Variants in ZNF157 observed in about 807,000 individuals in gnomAD.
The protein encoded by ZNF157 is zinc finger protein 22.
ZNF157 carries 8 observed loss-of-function variants against 9.4 expected under a neutral mutation model. The ratio of observed to expected loss-of-function variants is 0.85; its 90% CI spans 0.50 to 1.53. The LOEUF (loss-of-function observed/expected upper bound fraction) is 1.53, where lower values mean the gene tolerates loss of function less well. Ranked by LOEUF, ZNF157 falls within the 40% of genes most tolerant of loss-of-function variation. The pLI, the probability that ZNF157 is intolerant of heterozygous loss-of-function variation, is 0.00. For missense variants in ZNF157, 316 were observed against 385.2 expected, an observed-to-expected ratio of 0.82 and a Z score of 1.50; for synonymous variants, 120 against 130.8, an observed-to-expected ratio of 0.92 and a Z score of 0.56.
chrX:47,379,065 G>A (rs2055853368), intron 1 of ZNF157, among the ~76,000 whole-genome samples: 1 of 111,183 alleles, frequency 9.0e-6, no homozygotes, highest in South Asian at 3.7e-4. Context: ...TGTCATCAGC[G>A]TCTTTCACAG....
chrX:47,413,470 G>T lies in ZNF157; in HGVS notation c.1397G>T (p.Gly466Val), dbSNP rs375821368. 8.3e-7 allele frequency: 1 copy of T among 1,212,073 alleles called. No individual in the cohort carries two copies. The highest frequency in any genetic ancestry group is 1.1e-6 in the Non-Finnish European group (1 of 895,597). Residue 466 changes from glycine (G) to valine (V), a missense_variant, in exon 4 of 4, where the codon GGA becomes GTA. Physicochemically the swap from Gly to Val is moderately radical, Grantham distance 109. This residue lies in a region of ZNF157 where 167 missense variants were observed against 183.6 expected (regional missense o/e 0.91). Transcript: ENST00000377073. ...RLIEHQRIHT[G>V]ERPFECQECG... ...ATTGAACATCAGCGAATTCACACAG[G>T]AGAGAGACCCTTTGAGTGTCAAGAA...
At chrX:47,381,295 C>T (rs946772087) in intron 1 of ZNF157, among the ~76,000 whole-genome samples, 1 of 111,098 alleles carries the variant, frequency 9.0e-6, no homozygotes, top group Non-Finnish European at 1.9e-5. Flanking sequence ...ACTGCCTGAC[C>T]ATCACCTCCT....
rs1200583511 is a variant in ZNF157 at position 47,393,746 on chromosome X, T to C, written c.73-16530T>C. Among the ~76,000 whole-genome samples the C allele has an allele frequency of 5.7e-4, 35 of 61,834 alleles. 1 individual carries two copies. Among genetic ancestry groups the C allele is most frequent in the Admixed American group, 1.3e-3 (7 of 5,303 alleles). 53.7% of individuals were successfully genotyped at this position (61,834 alleles called of 115,157 possible). ...ATCCCCGCCACCCTCCCCCGCCCTT[T>C]TTTTTTTTTTTAGACAAAGTCTTGC... On this transcript the variant is annotated intron_variant, in intron 1 of 3. Transcript: ENST00000377073.
intron 1 of ZNF157, among the ~76,000 whole-genome samples, chrX:47,382,282 C>CTTTTTTTTTTTTTTT (rs764704009): frequency 1.9e-5 from 1 of 53,357 alleles, no homozygotes; most frequent in East Asian, 6.2e-4. Flanking sequence ...TTCAACAGAA[C>CTTTTTTTTTTTTTTT]TTTTTTTTTT....
intron 1 of ZNF157, among the ~76,000 whole-genome samples, chrX:47,397,637 A>G (rs1227566948): frequency 9.2e-6 from 1 of 109,145 alleles, no homozygotes; most frequent in Non-Finnish European, 1.9e-5. Flanking sequence ...GTAGCCTAGA[A>G]CTCCTGACCT....
At position 47,410,290 on chromosome X, in the gene ZNF157, C is replaced by A. The variant is rs758927576; in HGVS notation, c.87C>A (p.Phe29Leu). Reference sequence around the variant, plus strand: ...TGTTATTACAGGGGTCCGTGTCATTCGAGGATGTGGCTGTGGATTTCACCC... The same window carrying A: ...TGTTATTACAGGGGTCCGTGTCATTAGAGGATGTGGCTGTGGATTTCACCC... ...PGRSFEGSVSFEDVAVDFTRQ... is the reference protein window; with the variant it reads ...PGRSFEGSVSLEDVAVDFTRQ... Residue 29 changes from phenylalanine to leucine, a missense_variant, in exon 2 of 4, where the codon TTC (phenylalanine) becomes TTA (leucine). This residue lies in a region of ZNF157 where 146 missense variants were observed against 183.8 expected (regional missense o/e 0.79). Coordinates refer to ENST00000377073, the MANE Select transcript of ZNF157 (RefSeq NM_003446.4). 2 of 1,209,055 alleles carry A rather than the reference C, an allele frequency of 1.7e-6. No homozygotes were observed. The highest frequency in any genetic ancestry group is 2.2e-5 in the Admixed American group (1 of 45,499).
chrX:47,397,346 G>T (rs1298503407), intron 1 of ZNF157, among the ~76,000 whole-genome samples: 5 of 104,791 alleles, frequency 4.8e-5, no homozygotes, highest in African/African-American at 1.7e-4. Flanking sequence ...AGGTTCAAGT[G>T]ATTCTCCTGC....
At chrX:47,402,793 C>T (rs1161654466) in intron 1 of ZNF157, among the ~76,000 whole-genome samples, 7 of 108,764 alleles carry the variant, frequency 6.4e-5, no homozygotes, top group African/African-American at 1.0e-4. Flanking sequence ...CCGCCTGTCT[C>T]GGCCTCCCAA....
intron 1 of ZNF157, among the ~76,000 whole-genome samples, chrX:47,379,705 T>C (rs539737825): frequency 1.0e-5 from 1 of 100,340 alleles, no homozygotes; most frequent in African/African-American, 3.7e-5. Flanking sequence ...GTGAAACATA[T>C]AAGGACTGTG....
intron 1 of ZNF157, among the ~76,000 whole-genome samples, chrX:47,402,633 G>T (rs373166660): frequency 1.9e-5 from 2 of 106,025 alleles, no homozygotes; most frequent in African/African-American, 6.9e-5. Flanking sequence ...TCCGCCTCCC[G>T]GGTTCACGCC....
chrX:47,379,545 G>A lies in ZNF157; in HGVS notation c.72+8805G>A, dbSNP rs553867304. ...AAGCAATTCTGCCTCAGCCCCTGGA[G>A]CAGATGGGACTACAGGTGCACACCA... On this transcript the variant is annotated intron_variant, in intron 1 of 3. Coordinates refer to ENST00000377073, the MANE Select transcript of ZNF157 (RefSeq NM_003446.4). Among the ~76,000 whole-genome samples the A allele has an allele frequency of 6.3e-4, 67 of 106,653 alleles. 1 individual carries two copies. The highest frequency in any genetic ancestry group is 2.6e-3 in the South Asian group (6 of 2,347). The allele number at this position is 106,653 out of a possible 115,157, so 92.6% of individuals were successfully genotyped here.
At chrX:47,395,220 T>A (rs2055909751) in intron 1 of ZNF157, among the ~76,000 whole-genome samples, 2 of 111,450 alleles carry the variant, frequency 1.8e-5, no homozygotes, top group East Asian at 5.6e-4. Context: ...CCTGGCTAGA[T>A]TTTTTTATTC....
Position 47,398,053 on chromosome X carries a change from G to T in ZNF157, c.73-12223G>T, listed in dbSNP as rs2055919193. On this transcript the variant is annotated intron_variant, in intron 1 of 3. Transcript: ENST00000377073. ...CTTGCTCTGTTGCCCAGGCTGGAGT[G>T]CACTGGCATGATCTCAGCTCACTGC... Among the ~76,000 whole-genome samples, 10 of 109,998 alleles carry T rather than the reference G, an allele frequency of 9.1e-5. No individual in the cohort carries two copies. The Admixed American group carries it at 9.8e-4, about 11-fold the overall frequency.
At chrX:47,378,568 C>A (rs774540565) in intron 1 of ZNF157, among the ~76,000 whole-genome samples, 2 of 112,139 alleles carry the variant, frequency 1.8e-5, no homozygotes, top group East Asian at 5.6e-4. Flanking sequence ...TCACGCTGGG[C>A]GCGGTGGCTC....
Sources: gnomAD v4.1 joint callset for allele counts (sites outside exome capture counted in the v4.1 genomes callset) on GRCh38, gnomAD v4.1.1 for gene constraint, gnomAD v4.1.1 regional missense constraint, MANE v1.5 for transcripts, NCBI Gene and HGNC (gene_info 2026-07-23, HGNC 2026-07-21) for gene names.